Variants in ADGRG4 observed in about 807,000 individuals in gnomAD.
ADGRG4 encodes the protein G protein-coupled receptor 112.
A neutral mutation model predicts 126.2 loss-of-function variants in ADGRG4; 122 were observed. That is an observed-to-expected ratio of 0.97 (90% CI 0.83 to 1.12). The LOEUF (loss-of-function observed/expected upper bound fraction) is 1.12, where lower values mean the gene tolerates loss of function less well. Ranked by LOEUF, ADGRG4 falls within the 50% of genes most tolerant of loss-of-function variation. The probability of loss-of-function intolerance (pLI) is 0.00; values close to 1 mark genes in which losing one functional copy is unlikely to be tolerated. For missense variants in ADGRG4, 2,481 were observed against 2,251.8 expected, an observed-to-expected ratio of 1.10 and a Z score of -2.06; for synonymous variants, 943 against 838.7, an observed-to-expected ratio of 1.12 and a Z score of -2.15.
chrX:136,378,660 G>T (rs894906171), intron 15 of ADGRG4, among the ~76,000 whole-genome samples: 1 of 111,124 alleles, frequency 9.0e-6, no homozygotes, highest in Non-Finnish European at 1.9e-5. Flanking sequence ...TTTGATTGAG[G>T]TAGTTACCTT....
rs564954638 is a variant in ADGRG4 at position 136,371,061 on chromosome X, T to C, written c.7397-267T>C. Among the ~76,000 whole-genome samples the C allele has an allele frequency of 3.6e-5, 4 of 111,785 alleles. No individual in the cohort carries two copies. The South Asian group carries it at 1.1e-3, about 31-fold the overall frequency. On this transcript the variant is annotated intron_variant, in intron 13 of 25. Transcript: ENST00000394143. ...TAATTAGAATCAAATTTCAAGATAA[T>C]TCTTCAGGGACAAAACGATTTCCCT...
At chrX:136,382,805 A>G (rs1222419944) in intron 15 of ADGRG4, among the ~76,000 whole-genome samples, 1 of 110,792 alleles carries the variant, frequency 9.0e-6, no homozygotes. Context: ...GGTAGGAGGA[A>G]CCCAAAGTGT....
chrX:136,403,123 T>G lies in ADGRG4; in HGVS notation c.8576-121T>G, dbSNP rs1603300724. The G allele has an allele frequency of 9.9e-6, 5 of 504,480 alleles. No individual in the cohort carries two copies. The East Asian group carries it at 1.7e-4, about 18-fold the overall frequency. 41.6% of individuals were successfully genotyped at this position (504,480 alleles called of 1,213,427 possible). A position where few individuals can be genotyped will look rare whatever the true frequency, so the allele number is the denominator to read the frequency against. On this transcript the variant is annotated intron_variant, in intron 21 of 25. Coordinates refer to ENST00000394143, the MANE Select transcript of ADGRG4 (RefSeq NM_153834.4). ...AAACATTTTGCAAACAATAGTATTTTGATGCCCGCACATCTGTGGCTTATT... is the reference window on the plus strand; with the variant it reads ...AAACATTTTGCAAACAATAGTATTTGGATGCCCGCACATCTGTGGCTTATT...
intron 5 of ADGRG4, among the ~76,000 whole-genome samples, chrX:136,333,470 T>C (rs1433556480): frequency 3.6e-5 from 4 of 111,853 alleles, no homozygotes; most frequent in African/African-American, 1.3e-4. Flanking sequence ...AAATATTTCC[T>C]TCTAGTCTGT....
At position 136,345,908 on chromosome X, in the gene ADGRG4, A is replaced by G. The variant is rs749346094; in HGVS notation, c.2202A>G (p.Pro734=). The change falls in exon 6 of 26, where the codon CCA becomes CCG. Residue 734 remains proline (P), a synonymous_variant. Transcript: ENST00000394143. ...YTTAVSKLTS[P]WFANFSIVSG... ...CAGCTGTATCCAAATTGACATCACC[A>G]TGGTTTGCTAATTTCTCCATAGTTT... 1 of 1,209,315 alleles carries G rather than the reference A, an allele frequency of 8.3e-7. No homozygotes were observed. The highest frequency in any genetic ancestry group is 1.1e-6 in the Non-Finnish European group (1 of 893,412).
At chrX:136,340,124 A>G (rs1229773457) in intron 5 of ADGRG4, among the ~76,000 whole-genome samples, 3 of 111,939 alleles carry the variant, frequency 2.7e-5, no homozygotes, top group Non-Finnish European at 5.6e-5. Context: ...GAATTACTGA[A>G]TTTAAGAAAA....
chrX:136,342,566 A>G (rs1296009486), intron 5 of ADGRG4, among the ~76,000 whole-genome samples: 2 of 111,368 alleles, frequency 1.8e-5, no homozygotes, highest in Non-Finnish European at 3.8e-5. Context: ...GAAGTCAGGG[A>G]AGGTAGGTTT....
chrX:136,405,776 C>A lies in ADGRG4; in HGVS notation c.8739C>A (p.Phe2913Leu), dbSNP rs2075402836. 1.5e-5 allele frequency: 18 copies of A among 1,207,286 alleles called. No individual in the cohort carries two copies. In the East Asian group the frequency reaches 5.3e-4, roughly 36 times the overall value. The change falls in exon 23 of 26, where the codon TTC (phenylalanine) becomes TTA (leucine). Residue 2913 changes from phenylalanine to leucine, a missense_variant. Coordinates refer to ENST00000394143, the MANE Select transcript of ADGRG4 (RefSeq NM_153834.4). The stretch of plus-strand genomic sequence containing the variant: ...TATTTCTCATGAATCTCTCCATGTT[C>A]TGCACTGTTCTTGTTCAACTGAATT... ...CLIFLMNLSM[F>L]CTVLVQLNSV...
intron 15 of ADGRG4, among the ~76,000 whole-genome samples, chrX:136,382,497 T>C (rs1337570417): frequency 8.9e-6 from 1 of 112,057 alleles, no homozygotes; most frequent in Non-Finnish European, 1.9e-5. Flanking sequence ...CCATTCTCTA[T>C]TCCCTTTGCC....
At position 136,346,893 on chromosome X, in the gene ADGRG4, T is replaced by G; in HGVS notation, c.3187T>G (p.Leu1063Val). ...NLSSTTMTTA[L>V]VPPLDQTAST... ...ATCCTCAACTACAATGACCACAGCA[T>G]TGGTACCACCTTTGGATCAGACTGC... Residue 1063 changes from leucine (L) to valine (V), a missense_variant, in exon 6 of 26, where the codon TTG becomes GTG. Leu to Val is a conservative substitution (Grantham distance 32, BLOSUM62 1). Coordinates refer to ENST00000394143, the MANE Select transcript of ADGRG4 (RefSeq NM_153834.4). The G allele has an allele frequency of 8.3e-7, 1 of 1,210,999 alleles. No homozygotes were observed. Among genetic ancestry groups the G allele is most frequent in the Non-Finnish European group, 1.1e-6 (1 of 894,895 alleles).
intron 18 of ADGRG4, 49 bp downstream of exon 18, chrX:136,393,629 A>G (rs2075331539): frequency 1.0e-6 from 1 of 1,001,092 alleles, no homozygotes; most frequent in African/African-American, 1.9e-5. Flanking sequence ...CCATTTTCCC[A>G]CTTGGCAGTT....
At chrX:136,338,300 C>T (rs1375532316) in intron 5 of ADGRG4, among the ~76,000 whole-genome samples, 1 of 110,069 alleles carries the variant, frequency 9.1e-6, no homozygotes, top group Non-Finnish European at 1.9e-5. Context: ...TGGCACTCAA[C>T]ACCATGTCTG....
At chrX:136,414,837 C>T (rs2075467608) in intron 25 of ADGRG4, among the ~76,000 whole-genome samples, 1 of 112,030 alleles carries the variant, frequency 8.9e-6, no homozygotes, top group Non-Finnish European at 1.9e-5. Context: ...GCTCTCAGGG[C>T]TAGTCCTATC....
intron 6 of ADGRG4, among the ~76,000 whole-genome samples, chrX:136,351,059 G>A (rs1474210761): frequency 9.0e-6 from 1 of 111,626 alleles, no homozygotes; most frequent in East Asian, 2.8e-4. Context: ...AAAACCCAAA[G>A]CAGAAAACAA....
At position 136,416,614 on chromosome X, in the gene ADGRG4, A is replaced by G; in HGVS notation, c.*123A>G. On this transcript the variant is annotated 3_prime_UTR_variant, in exon 26 of 26. Transcript: ENST00000394143. Reference sequence around the variant, plus strand: ...AAATCTCACAAATCACCACTAAATAATGTACTCATGTAACCAAATGCTACC... The same window carrying G: ...AAATCTCACAAATCACCACTAAATAGTGTACTCATGTAACCAAATGCTACC... 4.6e-6 allele frequency: 2 copies of G among 431,111 alleles called. No homozygotes were observed. 35.5% of individuals were successfully genotyped at this position (431,111 alleles called of 1,213,427 possible).
chrX:136,403,641 G>A (rs1160297968), intron 22 of ADGRG4, among the ~76,000 whole-genome samples: 2 of 112,208 alleles, frequency 1.8e-5, no homozygotes, highest in East Asian at 5.5e-4. Flanking sequence ...GTTCTATGCT[G>A]TGTAACTGGC....
In ADGRG4 at chrX:136,347,885, T is replaced by A. The variant is rs877761; in HGVS notation, c.4179T>A (p.Thr1393=). ...CCCTTCCAGCATATACTCCCAGGAC[T>A]GTGGAAATGATAGTAAACTCCACCT... The part of the protein sequence containing the change: ...TSALPAYTPR[T]VEMIVNSTYV... Residue 1393 remains threonine (T), a synonymous_variant, in exon 6 of 26, where the codon ACT becomes ACA. Transcript: ENST00000394143. 7.4e-6 allele frequency: 9 copies of A among 1,210,207 alleles called. No homozygotes were observed. The highest frequency in any genetic ancestry group is 1.0e-5 in the Non-Finnish European group (9 of 894,403).
intron 15 of ADGRG4, among the ~76,000 whole-genome samples, chrX:136,380,565 T>C (rs374309583): frequency 8.2e-4 from 76 of 92,180 alleles, no homozygotes; most frequent in South Asian, 4.1e-3. Flanking sequence ...CTTCTTCTTC[T>C]TCCTCTTCTT....
At chrX:136,411,401 G>A (rs1171443251) in intron 23 of ADGRG4, among the ~76,000 whole-genome samples, 1 of 112,463 alleles carries the variant, frequency 8.9e-6, no homozygotes, top group Non-Finnish European at 1.9e-5. Context: ...TTTAGAGGGT[G>A]GGAATGAGAA....
Sources: gnomAD v4.1 joint callset for allele counts (sites outside exome capture counted in the v4.1 genomes callset) on GRCh38, gnomAD v4.1.1 for gene constraint, MANE v1.5 for transcripts, NCBI Gene and HGNC (gene_info 2026-07-23, HGNC 2026-07-21) for gene names.